RYR2: variants seen among roughly 807,000 people sequenced by gnomAD.
RYR2 encodes ryanodine receptor 2.
RYR2 carries 227 observed loss-of-function variants against 601.1 expected under a neutral mutation model. The ratio of observed to expected loss-of-function variants is 0.38; its 90% CI spans 0.34 to 0.42. The LOEUF (loss-of-function observed/expected upper bound fraction) is 0.42, where lower values mean the gene tolerates loss of function less well. Ranked by LOEUF, RYR2 falls within the 10% of genes least tolerant of loss-of-function variation. RYR2 has a pLI of 1.00. For synonymous variants in RYR2, 2,223 were observed against 2,175.1 expected (o/e 1.02, Z -0.61); for missense variants, 4,646 against 6,156.5 (o/e 0.75, Z 8.21).
chr1:237,600,395 C>G (rs1676372377), intron 34 of RYR2, among the ~76,000 whole-genome samples: 1 of 152,108 alleles, frequency 6.6e-6, no homozygotes, highest in South Asian at 2.1e-4. Flanking sequence ...ATTGAATATC[C>G]ACATGCAGAA....
chr1:237,376,923 G>A (rs527739159), intron 7 of RYR2, among the ~76,000 whole-genome samples: 18 of 152,192 alleles, frequency 1.2e-4, no homozygotes, highest in Non-Finnish European at 2.4e-4. Context: ...CAATTGTCAC[G>A]TCACAAAACC....
chr1:237,281,607 G>A (rs1168655948), intron 2 of RYR2, among the ~76,000 whole-genome samples: 4 of 152,194 alleles, frequency 2.6e-5, no homozygotes, highest in Admixed American at 2.6e-4. Flanking sequence ...TACAAAGTGC[G>A]TAGCCAGTTT....
chr1:237,231,147 G>A (rs74147205), intron 1 of RYR2, among the ~76,000 whole-genome samples: 2,134 of 152,112 alleles, frequency 0.014, 45 homozygotes, highest in African/African-American at 0.047. Flanking sequence ...TGTCATTTTC[G>A]TGTGTCTGTT....
At chr1:237,210,243 G>T (rs1682423548) in intron 1 of RYR2, among the ~76,000 whole-genome samples, 1 of 152,046 alleles carries the variant, frequency 6.6e-6, no homozygotes, top group Admixed American at 6.5e-5. Flanking sequence ...TAACATGGCT[G>T]AATTCTAATT....
chr1:237,717,131 A>G, intron 71 of RYR2, 67 bp from the exon 72 acceptor site: 1 of 1,389,306 alleles, frequency 7.2e-7, no homozygotes, highest in Non-Finnish European at 1.0e-6. Flanking sequence ...AAGTTAGGGA[A>G]GAGTCATAGT....
chr1:237,344,577 C>A (rs552297827), intron 3 of RYR2, among the ~76,000 whole-genome samples: 1 of 152,270 alleles, frequency 6.6e-6, no homozygotes, highest in African/African-American at 2.4e-5. Context: ...GAGTTGTCTT[C>A]CTTAAACACT....
chr1:237,387,961 C>A (rs1702075236), intron 9 of RYR2, 126 bp from the exon 10 acceptor site: 1 of 834,958 alleles, frequency 1.2e-6, no homozygotes, highest in Non-Finnish European at 1.9e-6. Flanking sequence ...GTGACCTTGG[C>A]CAGGTCCTTA....
intron 97 of RYR2, 107 bp downstream of exon 97, chr1:237,798,277 T>C: frequency 2.0e-6 from 2 of 1,013,542 alleles, no homozygotes; most frequent in Non-Finnish European, 2.8e-6. Flanking sequence ...GTCAGAAGAA[T>C]AGATAGATGA....
At chr1:237,698,456 A>G (rs1168345684) in intron 63 of RYR2, among the ~76,000 whole-genome samples, 1 of 152,086 alleles carries the variant, frequency 6.6e-6, no homozygotes, top group Non-Finnish European at 1.5e-5. Context: ...AAGACCAATA[A>G]CATTCAAGGA....
chr1:237,264,845 A>G (rs923987579), intron 1 of RYR2, among the ~76,000 whole-genome samples: 1 of 151,170 alleles, frequency 6.6e-6, no homozygotes, highest in Non-Finnish European at 1.5e-5. Flanking sequence ...ACAGGTACCC[A>G]CCACCATGCC....
intron 10 of RYR2, among the ~76,000 whole-genome samples, chr1:237,402,230 C>CAAAA (rs5781953): frequency 2.1e-5 from 3 of 144,324 alleles, no homozygotes; most frequent in African/African-American, 2.6e-5. Flanking sequence ...CTTGTCTCTA[C>CAAAA]AAAAAAAAAA....
At chr1:237,058,861 C>T (rs1327810367) in intron 1 of RYR2, among the ~76,000 whole-genome samples, 1 of 151,910 alleles carries the variant, frequency 6.6e-6, no homozygotes, top group Non-Finnish European at 1.5e-5. Context: ...TGGGAGATAG[C>T]GCCTCACATT....
chr1:237,104,848 C>T (rs553869721), intron 1 of RYR2, among the ~76,000 whole-genome samples: 64 of 152,310 alleles, frequency 4.2e-4, no homozygotes, highest in African/African-American at 1.4e-3. Context: ...GCCCTCTGTA[C>T]CTGTTGACTA....
chr1:237,184,590 A>C (rs560407552), intron 1 of RYR2, among the ~76,000 whole-genome samples: 1 of 152,206 alleles, frequency 6.6e-6, no homozygotes, highest in Non-Finnish European at 1.5e-5. Flanking sequence ...GACAAAAATA[A>C]TACATAGTCT....
chr1:237,623,741 C>G (rs778808617), intron 38 of RYR2, 24 bp from the exon 39 acceptor site: 2 of 1,475,506 alleles, frequency 1.4e-6, no homozygotes, highest in East Asian at 4.5e-5. Flanking sequence ...CCTTCTTCCT[C>G]TTTCTTGTTT....
intron 63 of RYR2, among the ~76,000 whole-genome samples, chr1:237,697,446 T>C (rs951613582): frequency 1.4e-5 from 2 of 143,468 alleles, no homozygotes; most frequent in African/African-American, 2.5e-5. Flanking sequence ...TATATATTTA[T>C]GTAAATATAT....
intron 3 of RYR2, among the ~76,000 whole-genome samples, chr1:237,348,352 A>C (rs1029359833): frequency 2.0e-5 from 3 of 152,222 alleles, no homozygotes; most frequent in Non-Finnish European, 4.4e-5. Flanking sequence ...CAGTATAGTA[A>C]GATGTGACTA....
chr1:237,705,159 T>G (rs1168706969), intron 66 of RYR2, 54 bp from the exon 67 acceptor site: 3 of 1,525,566 alleles, frequency 2.0e-6, no homozygotes, highest in African/African-American at 2.7e-5. Context: ...GTAATATGAC[T>G]TTTTTAGTTA....
At chr1:237,552,811 T>A (rs1670535551) in intron 27 of RYR2, among the ~76,000 whole-genome samples, 1 of 151,928 alleles carries the variant, frequency 6.6e-6, no homozygotes, top group African/African-American at 2.4e-5. Flanking sequence ...TGTTTCCAAT[T>A]TTAGGTGATT....
Sources: allele counts gnomAD v4.1 joint callset (sites outside exome capture counted in the v4.1 genomes callset), GRCh38; gene constraint gnomAD v4.1.1; transcripts MANE v1.5; gene names NCBI Gene and HGNC (gene_info 2026-07-23, HGNC 2026-07-21).